The following NUP160 variants were observed in gnomAD, a reference collection of about 807,000 sequenced individuals.
NUP160 encodes the protein nucleoporin 160.
A neutral mutation model predicts 196.9 loss-of-function variants in NUP160; 94 were observed. The ratio of observed to expected loss-of-function variants is 0.48; its 90% CI spans 0.40 to 0.57. The LOEUF is 0.57. Ranked by LOEUF, NUP160 falls within the 20% of genes least tolerant of loss-of-function variation. The pLI is 0.00. For missense variants in NUP160, 1,638 were observed against 1,748.3 expected (o/e 0.94, Z 1.13); for synonymous variants, 605 against 619.7 (o/e 0.98, Z 0.35).
Position 47,808,539 on chromosome 11 carries a change from A to C in NUP160, c.2242-10T>G. 6.2e-7 allele frequency: 1 copy of C among 1,610,522 alleles called. No homozygotes were observed. Among genetic ancestry groups the C allele is most frequent in the Non-Finnish European group, 8.5e-7 (1 of 1,178,672 alleles). ...CAGTTCCCCAAATCACCTATACATT[A>C]TGGGTAGGTGGACCAGACAAGAAAT... On this transcript the variant is annotated splice_polypyrimidine_tract_variant and intron_variant, in intron 17 of 35. Coordinates refer to ENST00000378460, the Ensembl canonical transcript of NUP160.
intron 7 of NUP160, among the ~76,000 whole-genome samples, chr11:47,825,922 T>A (rs1599337640): frequency 6.6e-6 from 1 of 152,084 alleles, no homozygotes; most frequent in Non-Finnish European, 1.5e-5. Flanking sequence ...TACTGTAAAT[T>A]GATAAGAGTG....
chr11:47,783,137 A>G, exon 34 of NUP160: 1 of 1,614,046 alleles, frequency 6.2e-7, no homozygotes, highest in Non-Finnish European at 8.5e-7. Context: ...CACCAAATCC[A>G]CAGCTTCTTC....
At chr11:47,835,339 ATTAAC>A (rs1034803147) in intron 7 of NUP160, among the ~76,000 whole-genome samples, 1 of 152,212 alleles carries the variant, frequency 6.6e-6, no homozygotes, top group Non-Finnish European at 1.5e-5. Flanking sequence ...ATTTAGAAAA[ATTAAC>A]TTAACACCAC....
chr11:47,779,075 GC>G (rs2097659162), exon 36 of NUP160: 1 of 1,532,392 alleles, frequency 6.5e-7, no homozygotes, highest in Admixed American at 1.7e-5. Flanking sequence ...GAGGCACCAA[GC>G]GGTTACAAAG....
intron 7 of NUP160, among the ~76,000 whole-genome samples, chr11:47,831,650 G>C (rs902554176): frequency 1.3e-5 from 2 of 151,690 alleles, no homozygotes; most frequent in African/African-American, 4.8e-5. Flanking sequence ...GACCAGCCTG[G>C]CCAATATGGC....
intron 34 of NUP160, among the ~76,000 whole-genome samples, chr11:47,781,115 C>A (rs1410106657): frequency 6.6e-6 from 1 of 151,774 alleles, no homozygotes; most frequent in Admixed American, 6.6e-5. Flanking sequence ...CCCAGCTGCT[C>A]GGGAGGCTGA....
intron 7 of NUP160, among the ~76,000 whole-genome samples, chr11:47,822,684 A>T (rs1851887915): frequency 6.6e-6 from 1 of 151,590 alleles, no homozygotes; most frequent in Non-Finnish European, 1.5e-5. Context: ...TAATTCATTT[A>T]CATTACGTAT....
chr11:47,847,911 C>T, exon 2 of NUP160: 1 of 1,614,154 alleles, frequency 6.2e-7, no homozygotes, highest in Non-Finnish European at 8.5e-7. Flanking sequence ...GTAAAAGCCT[C>T]CCGCGCTTTC....
chr11:47,832,973 G>A (rs1852105398), intron 7 of NUP160, among the ~76,000 whole-genome samples: 2 of 152,318 alleles, frequency 1.3e-5, no homozygotes, highest in East Asian at 3.9e-4. Context: ...TAGCAGTTGT[G>A]TAGAGCTGGG....
At chr11:47,812,943 T>A in exon 15 of NUP160, 1 of 1,613,720 alleles carries the variant, frequency 6.2e-7, no homozygotes. Flanking sequence ...GACTGTAGGT[T>A]ATAACAACTC....
chr11:47,821,855 T>C, intron 8 of NUP160, 34 bp from the exon 9 acceptor site: 1 of 1,532,640 alleles, frequency 6.5e-7, no homozygotes, highest in Non-Finnish European at 9.0e-7. Context: ...AGGGATAAAA[T>C]AAGAAAGAAA....
chr11:47,839,701 G>C, intron 4 of NUP160, 142 bp downstream of exon 4: 2 of 715,688 alleles, frequency 2.8e-6, no homozygotes, highest in Admixed American at 4.4e-5. Context: ...TAAAGCATTA[G>C]GGACTCATTA....
intron 7 of NUP160, among the ~76,000 whole-genome samples, chr11:47,827,462 C>T (rs141357422): frequency 8.0e-4 from 121 of 151,700 alleles, no homozygotes; most frequent in Admixed American, 2.3e-3. Flanking sequence ...ACACTGGTAA[C>T]TTCTCCCTTA....
In NUP160 at chr11:47,798,282, C is replaced by T; in HGVS notation, c.2992-20G>A. ...AGTAGCCTAAATATCAAATGTAGATCAAATATCAAAAAGAGCAATAGAAAT... is the reference window on the plus strand; with the variant it reads ...AGTAGCCTAAATATCAAATGTAGATTAAATATCAAAAAGAGCAATAGAAAT... On this transcript the variant is annotated intron_variant, in intron 24 of 35. Coordinates refer to ENST00000378460, the Ensembl canonical transcript of NUP160. 6.4e-7 allele frequency: 1 copy of T among 1,572,310 alleles called. No homozygotes were observed.
At chr11:47,803,766 C>T (rs533145960) in intron 21 of NUP160, among the ~76,000 whole-genome samples, 1 of 152,304 alleles carries the variant, frequency 6.6e-6, no homozygotes, top group African/African-American at 2.4e-5. Flanking sequence ...TACTTTACAT[C>T]TCAGCAATTT....
At chr11:47,825,796 C>T (rs534538749) in intron 7 of NUP160, among the ~76,000 whole-genome samples, 1 of 151,966 alleles carries the variant, frequency 6.6e-6, no homozygotes, top group African/African-American at 2.4e-5. Context: ...GTTGGCCAGG[C>T]TGGTCTCGAA....
chr11:47,793,925 A>G (rs1444865686), intron 27 of NUP160, among the ~76,000 whole-genome samples: 1 of 151,858 alleles, frequency 6.6e-6, no homozygotes, highest in African/African-American at 2.4e-5. Context: ...AGACATTTTT[A>G]AAGAAGAAAA....
At chr11:47,829,824 C>G (rs34128973) in intron 7 of NUP160, among the ~76,000 whole-genome samples, 1 of 151,958 alleles carries the variant, frequency 6.6e-6, no homozygotes, top group African/African-American at 2.4e-5. Flanking sequence ...GATTTCAAGA[C>G]GAAGACACTA....
At chr11:47,828,177 G>GC (rs1219652292) in intron 7 of NUP160, among the ~76,000 whole-genome samples, 1 of 152,100 alleles carries the variant, frequency 6.6e-6, no homozygotes, top group East Asian at 1.9e-4. Flanking sequence ...AAGTTTATTT[G>GC]CAAGTGACAT....
Sources: allele counts gnomAD v4.1 joint callset (sites outside exome capture counted in the v4.1 genomes callset), GRCh38; gene constraint gnomAD v4.1.1; transcripts MANE v1.5; gene names NCBI Gene and HGNC (gene_info 2026-07-23, HGNC 2026-07-21).